The following GRB10 variants were observed in gnomAD, a reference collection of about 807,000 sequenced individuals.
The protein encoded by GRB10 is growth factor receptor bound protein 10.
GRB10 carries 20 observed loss-of-function variants against 80.9 expected under a neutral mutation model. That is an observed-to-expected ratio of 0.25 (90% CI 0.17 to 0.36). The LOEUF is 0.36. GRB10 is among the 10% of genes least tolerant of loss of function. The pLI, the probability that GRB10 is intolerant of heterozygous loss-of-function variation, is 1.00. For synonymous variants in GRB10, 291 were observed against 291.5 expected (o/e 1.00, Z 0.02); for missense variants, 548 against 747.7 (o/e 0.73, Z 3.12).
chr7:50,710,398 C>T (rs561624060), intron 4 of GRB10, among the ~76,000 whole-genome samples: 7 of 152,312 alleles, frequency 4.6e-5, no homozygotes, highest in Non-Finnish European at 7.3e-5. Context: ...GAGGAAGCAG[C>T]CCCTACCACC....
chr7:50,749,829 C>T (rs10243819), intron 3 of GRB10, among the ~76,000 whole-genome samples: 15,194 of 152,220 alleles, frequency 0.1, 2,554 homozygotes, highest in African/African-American at 0.35. Context: ...TTTGGGCCCA[C>T]AGCTCTATTA....
intron 12 of GRB10, 46 bp downstream of exon 12, chr7:50,614,723 TG>T: frequency 8.6e-7 from 1 of 1,158,188 alleles, no homozygotes; most frequent in Non-Finnish European, 1.3e-6. Flanking sequence ...GTCAGTCTCC[TG>T]TGGGCTGCTG....
intron 7 of GRB10, among the ~76,000 whole-genome samples, chr7:50,637,718 C>CA (rs59247142): frequency 3.0e-4 from 45 of 148,712 alleles, no homozygotes; most frequent in South Asian, 4.3e-4. Context: ...TCATGTGGAA[C>CA]AAAAAAAAAA....
At chr7:50,647,041 G>A (rs563293410) in intron 7 of GRB10, among the ~76,000 whole-genome samples, 1 of 152,338 alleles carries the variant, frequency 6.6e-6, no homozygotes, top group South Asian at 2.1e-4. Context: ...TGGAGCATAA[G>A]ATGAAATGTG....
chr7:50,745,631 T>C (rs1235372359), intron 3 of GRB10, among the ~76,000 whole-genome samples: 4 of 152,324 alleles, frequency 2.6e-5, no homozygotes, highest in Admixed American at 1.3e-4. Flanking sequence ...TTCATAACTG[T>C]TGGGAAAACG....
intron 5 of GRB10, among the ~76,000 whole-genome samples, chr7:50,681,794 C>A (rs73697056): frequency 0.022 from 3,370 of 152,340 alleles, 127 homozygotes; most frequent in African/African-American, 0.076. Flanking sequence ...ACGGGGGCTG[C>A]ACCCTTGCCT....
chr7:50,705,378 C>T lies in GRB10; in HGVS notation c.52-1470G>A, dbSNP rs539795976. 5.4e-5 allele frequency: 40 copies of T among 738,812 alleles called. No individual in the cohort carries two copies. In the African/African-American group the frequency reaches 6.9e-4, roughly 13 times the overall value. 45.8% of individuals were successfully genotyped at this position (738,812 alleles called of 1,614,324 possible). A position where few individuals can be genotyped will look rare whatever the true frequency, so the allele number is the denominator to read the frequency against. On this transcript the variant is annotated intron_variant, in intron 4 of 18. Transcript: ENST00000401949. ...CCCTAAGGAAGGGAGACATTTTCAC[C>T]AGCTTCTCTCTTTTTCCCCTTTCAA...
chr7:50,734,771 A>T (rs1472395650), intron 3 of GRB10, among the ~76,000 whole-genome samples: 1 of 152,210 alleles, frequency 6.6e-6, no homozygotes, highest in Non-Finnish European at 1.5e-5. Context: ...TGGGACAAGT[A>T]AACTATAGTT....
At chr7:50,622,653 T>C (rs1049523327) in intron 8 of GRB10, among the ~76,000 whole-genome samples, 4 of 152,276 alleles carry the variant, frequency 2.6e-5, no homozygotes, top group Admixed American at 6.5e-5. Context: ...GGGGCCTGGG[T>C]GCAAGAGCCC....
chr7:50,735,955 A>G (rs770019337), intron 3 of GRB10, among the ~76,000 whole-genome samples: 1 of 152,228 alleles, frequency 6.6e-6, no homozygotes, highest in Non-Finnish European at 1.5e-5. Flanking sequence ...ACAATCTTGA[A>G]AAAGAACAAC....
chr7:50,724,350 T>C (rs1208658152), intron 4 of GRB10, among the ~76,000 whole-genome samples: 1 of 152,092 alleles, frequency 6.6e-6, no homozygotes, highest in East Asian at 1.9e-4. Context: ...GAAAGTAAAA[T>C]AAAACAAAAA....
rs386410128 is a variant in GRB10, at chr7:50,684,267, C to CAAAAAAAA, written c.140-9617_140-9610dup. 5.7e-3 allele frequency among the ~76,000 whole-genome samples: 357 copies of CAAAAAAAA among 62,152 alleles called. 8 individuals carry two copies. Among genetic ancestry groups the CAAAAAAAA allele is most frequent in the Non-Finnish European group, 7.3e-3 (271 of 37,216 alleles). 40.8% of individuals were successfully genotyped at this position (62,152 alleles called of 152,430 possible). On this transcript the variant is annotated intron_variant, in intron 5 of 18. Transcript: ENST00000401949. ...CAGACAACTGCAACTCAATCATCAC[C>CAAAAAAAA]AAAAAAAAAAAAAAAAAAAAAGGTA...
chr7:50,685,929 T>A (rs1035313872), intron 5 of GRB10, among the ~76,000 whole-genome samples: 4 of 152,046 alleles, frequency 2.6e-5, no homozygotes, highest in Admixed American at 1.3e-4. Flanking sequence ...AGATGGGCCT[T>A]AAGGGGCAGA....
At chr7:50,692,370 T>G (rs891526271) in intron 5 of GRB10, among the ~76,000 whole-genome samples, 3 of 152,010 alleles carry the variant, frequency 2.0e-5, no homozygotes, top group African/African-American at 7.2e-5. Context: ...TAGTAAAAGA[T>G]GAACTAGATA....
intron 2 of GRB10, among the ~76,000 whole-genome samples, chr7:50,760,573 T>C (rs2075649843): frequency 2.0e-5 from 3 of 152,080 alleles, no homozygotes; most frequent in Admixed American, 2.0e-4. Context: ...GGTAAGATGG[T>C]CAATCATAGA....
At chr7:50,728,537 A>G (rs1438235929) in intron 4 of GRB10, among the ~76,000 whole-genome samples, 1 of 152,134 alleles carries the variant, frequency 6.6e-6, no homozygotes, top group African/African-American at 2.4e-5. Context: ...TGTCCATCCA[A>G]AAAGGTTCAT....
In GRB10 at chr7:50,732,335, C is replaced by T. The variant is rs1000682827; in HGVS notation, c.-13G>A. 6.2e-7 allele frequency: 1 copy of T among 1,613,548 alleles called. No individual in the cohort carries two copies. Among genetic ancestry groups the T allele is most frequent in the Non-Finnish European group, 8.5e-7 (1 of 1,179,560 alleles). ...CGGCTAAAGCCATGGGTTCCTTCTG[C>T]CTTCTTCAAATTACATTTACTGCGC... is the stretch of plus-strand genomic sequence containing the variant. On this transcript the variant is annotated 5_prime_UTR_variant, in exon 4 of 19. Transcript: ENST00000401949.
intron 7 of GRB10, 116 bp downstream of exon 7, chr7:50,669,606 G>A (rs949127663): frequency 1.9e-5 from 19 of 982,974 alleles, no homozygotes; most frequent in Admixed American, 3.8e-5. Context: ...AGAACTGAGA[G>A]AGAAGATCCC....
intron 2 of GRB10, among the ~76,000 whole-genome samples, chr7:50,777,679 T>G (rs922239937): frequency 6.6e-6 from 1 of 152,072 alleles, no homozygotes; most frequent in Non-Finnish European, 1.5e-5. Flanking sequence ...TGCCCATTAA[T>G]GATAGACTGG....
Sources: gnomAD v4.1 joint callset for allele counts (sites outside exome capture counted in the v4.1 genomes callset) on GRCh38, gnomAD v4.1.1 for gene constraint, MANE v1.5 for transcripts, NCBI Gene and HGNC (gene_info 2026-07-23, HGNC 2026-07-21) for gene names.